The following PDE6A variants were observed in gnomAD, a reference collection of about 807,000 sequenced individuals.
The protein encoded by PDE6A is rod cGMP-specific 3',5'-cyclic phosphodiesterase subunit alpha.
Under a neutral mutation model 106.3 loss-of-function variants are expected in PDE6A, and 84 were observed. The ratio of observed to expected loss-of-function variants is 0.79; its 90% CI spans 0.66 to 0.95. PDE6A has a LOEUF of 0.95. Among genes scored for constraint, PDE6A ranks in the 40% least tolerant of loss-of-function variants. The pLI, the probability that PDE6A is intolerant of heterozygous loss-of-function variation, is 0.00. For missense variants in PDE6A, 1,052 were observed against 1,084.9 expected, an observed-to-expected ratio of 0.97 and a Z score of 0.43; for synonymous variants, 394 against 386.6, an observed-to-expected ratio of 1.02 and a Z score of -0.23.
chr5:149,902,652 C>G (rs1753021579), intron 8 of PDE6A, among the ~76,000 whole-genome samples: 1 of 152,174 alleles, frequency 6.6e-6, no homozygotes, highest in South Asian at 2.1e-4. Context: ...GAGATCCCAC[C>G]TCTACTAAAA....
chr5:149,884,869 T>G lies in PDE6A; in HGVS notation c.1839-2A>C, dbSNP rs1752224048. 1 of 1,610,494 alleles carries G rather than the reference T, an allele frequency of 6.2e-7. No homozygotes were observed. The highest frequency in any genetic ancestry group is 1.3e-5 in the African/African-American group (1 of 74,864). ...AGCTTGGCCAGTGGGTTCTGGGATC[T>G]GAATGAGAAAGAGAGAGAATCAATA... On this transcript the variant is annotated splice_acceptor_variant, in intron 14 of 21. Transcript: ENST00000255266. LOFTEE classifies it high-confidence loss of function.
intron 13 of PDE6A, among the ~76,000 whole-genome samples, chr5:149,887,778 G>A (rs1474058658): frequency 2.0e-5 from 3 of 150,394 alleles, no homozygotes; most frequent in East Asian, 2.0e-4. Context: ...AAGCAAAACC[G>A]CCTCATCATG....
chr5:149,930,332 C>A (rs561008749), intron 4 of PDE6A, among the ~76,000 whole-genome samples: 1 of 152,156 alleles, frequency 6.6e-6, no homozygotes, highest in Non-Finnish European at 1.5e-5. Flanking sequence ...CCACCCTCAG[C>A]ATGACAAGGC....
chr5:149,914,466 G>C (rs148964132), intron 6 of PDE6A, among the ~76,000 whole-genome samples: 17 of 152,256 alleles, frequency 1.1e-4, no homozygotes, highest in East Asian at 9.7e-4. Context: ...TCTGCACCAA[G>C]CTCCAACAAA....
intron 5 of PDE6A, among the ~76,000 whole-genome samples, chr5:149,917,412 CAA>C (rs1190272587): frequency 6.6e-6 from 1 of 152,168 alleles, no homozygotes; most frequent in African/African-American, 2.4e-5. Flanking sequence ...AGAACCTCCA[CAA>C]AGAGGAATTC....
intron 17 of PDE6A, among the ~76,000 whole-genome samples, chr5:149,871,335 A>T (rs753454613): frequency 2.0e-5 from 3 of 152,206 alleles, no homozygotes; most frequent in Admixed American, 1.3e-4. Flanking sequence ...TATCCCACAC[A>T]TGCAGGTTAA....
chr5:149,860,605 C>T lies in PDE6A; in HGVS notation c.*290G>A. ...GGACGGCTTTGAATGCGGCCCAACACAAATTCATAAACTTTCTTAAAACAT... is the reference window on the plus strand; with the variant it reads ...GGACGGCTTTGAATGCGGCCCAACATAAATTCATAAACTTTCTTAAAACAT... On this transcript the variant is annotated 3_prime_UTR_variant, in exon 22 of 22. Coordinates refer to ENST00000255266, the MANE Select transcript of PDE6A (RefSeq NM_000440.3). 3.0e-6 allele frequency: 1 copy of T among 336,526 alleles called. No individual in the cohort carries two copies. Among genetic ancestry groups the T allele is most frequent in the South Asian group, 5.0e-5 (1 of 20,064 alleles). The allele number at this position is 336,526 out of a possible 1,614,324, so 20.8% of individuals were successfully genotyped here.
chr5:149,938,561 C>T (rs1219504745), intron 1 of PDE6A, among the ~76,000 whole-genome samples: 1 of 152,134 alleles, frequency 6.6e-6, no homozygotes, highest in Admixed American at 6.5e-5. Flanking sequence ...GACAGACAGA[C>T]CTCATGGGTT....
chr5:149,931,703 AT>A (rs1221147789), intron 3 of PDE6A, among the ~76,000 whole-genome samples: 2 of 152,220 alleles, frequency 1.3e-5, no homozygotes, highest in Non-Finnish European at 2.9e-5. Context: ...CGACAAAATA[AT>A]TGTTTTTCTT....
intron 5 of PDE6A, among the ~76,000 whole-genome samples, chr5:149,921,325 A>G (rs1415381327): frequency 2.6e-5 from 4 of 151,980 alleles, no homozygotes; most frequent in Non-Finnish European, 5.9e-5. Flanking sequence ...GAAGGAAGGA[A>G]AGCAGGAAGG....
rs1194504213 is a variant in PDE6A at position 149,944,329 on chromosome 5, G to A, written c.345C>T (p.Val115=). 3 of 1,614,118 alleles carry A rather than the reference G, an allele frequency of 1.9e-6. No homozygotes were observed. In the South Asian group the frequency reaches 3.3e-5, roughly 18 times the overall value. ...IAELATRLFN[V]HKDAVLEDCL... ...AGTCCTCGAGGACAGCATCCTTGTG[G>A]ACATTGAAAAGCCTGGTGGCCAGCT... Residue 115 remains valine, a synonymous_variant, in exon 1 of 22, where the codon GTC becomes GTT. Coordinates refer to ENST00000255266, the MANE Select transcript of PDE6A (RefSeq NM_000440.3).
At position 149,939,640 on chromosome 5, in the gene PDE6A, T is replaced by C. The variant is rs146889420; in HGVS notation, c.474+4560A>G. The stretch of plus-strand genomic sequence containing the variant: ...TGAGATAATTCATTCATTTAATTTC[T>C]ACAACAATGCTGTGGGGTAGCTCTT... On this transcript the variant is annotated intron_variant, in intron 1 of 21. Coordinates refer to ENST00000255266, the MANE Select transcript of PDE6A (RefSeq NM_000440.3). Among the ~76,000 whole-genome samples the C allele has an allele frequency of 1.5e-3, 222 of 152,344 alleles. 4 individuals carry two copies. In the South Asian group the frequency reaches 0.016, roughly 11 times the overall value.
intron 4 of PDE6A, among the ~76,000 whole-genome samples, chr5:149,924,831 A>C (rs181308879): frequency 6.0e-4 from 92 of 152,330 alleles, no homozygotes; most frequent in African/African-American, 2.2e-3. Flanking sequence ...GATACCAAAG[A>C]TGCTGTGAGC....
intron 13 of PDE6A, among the ~76,000 whole-genome samples, chr5:149,892,493 C>CT (rs56059807): frequency 0.013 from 1,747 of 135,450 alleles, 28 homozygotes; most frequent in African/African-American, 0.034. Context: ...CTTTTCTTTC[C>CT]TTTTTTTTTT....
chr5:149,889,799 G>A (rs1752474578), intron 13 of PDE6A, among the ~76,000 whole-genome samples: 1 of 151,510 alleles, frequency 6.6e-6, no homozygotes, highest in Admixed American at 6.6e-5. Flanking sequence ...CCCAGTTACT[G>A]GGGAGGCTGA....
At chr5:149,882,259 C>G (rs192933739) in intron 17 of PDE6A, among the ~76,000 whole-genome samples, 2 of 151,966 alleles carry the variant, frequency 1.3e-5, no homozygotes, top group Middle Eastern at 3.4e-3. Context: ...GCTGCTGCCC[C>G]CCCCGTTTCC....
intron 6 of PDE6A, among the ~76,000 whole-genome samples, chr5:149,911,842 C>CAAAAAAAAAAAAAA (rs11430549): frequency 1.5e-5 from 1 of 66,114 alleles, no homozygotes; most frequent in Non-Finnish European, 2.8e-5. Flanking sequence ...TCTCTATTAC[C>CAAAAAAAAAAAAAA]AAAAAAAAAA....
At chr5:149,871,658 G>A (rs1214888163) in intron 17 of PDE6A, among the ~76,000 whole-genome samples, 2 of 152,152 alleles carry the variant, frequency 1.3e-5, no homozygotes, top group South Asian at 2.1e-4. Context: ...GAGCAGGGGC[G>A]GCCCATGCAG....
chr5:149,908,109 C>T (rs145115409), intron 6 of PDE6A, among the ~76,000 whole-genome samples: 2 of 152,298 alleles, frequency 1.3e-5, no homozygotes, highest in East Asian at 3.9e-4. Flanking sequence ...TTTTTCAACT[C>T]ATTTAGATGG....
Sources: gnomAD v4.1 joint callset for allele counts (sites outside exome capture counted in the v4.1 genomes callset) on GRCh38, gnomAD v4.1.1 for gene constraint, MANE v1.5 for transcripts, NCBI Gene and HGNC (gene_info 2026-07-23, HGNC 2026-07-21) for gene names.